SLC34A2: variants seen among roughly 807,000 people sequenced by gnomAD.
SLC34A2 encodes the protein sodium-dependent phosphate transport protein 2B.
In SLC34A2, 41 loss-of-function variants were observed where a neutral mutation model predicts 50.8. The observed-to-expected ratio is 0.81, with a 90% CI of 0.63 to 1.05. The LOEUF is 1.05. Ranked by LOEUF, SLC34A2 falls within the 50% of genes least tolerant of loss-of-function variation. The probability of loss-of-function intolerance (pLI) is 0.00; values close to 1 mark genes in which losing one functional copy is unlikely to be tolerated. For missense variants in SLC34A2, 879 were observed against 876.7 expected, an observed-to-expected ratio of 1.00 and a Z score of -0.03; for synonymous variants, 401 against 364.2, an observed-to-expected ratio of 1.10 and a Z score of -1.15.
chr4:25,674,423 C>T lies in SLC34A2; in HGVS notation c.1333+11C>T. On this transcript the variant is annotated intron_variant, in intron 11 of 12. Transcript: ENST00000382051. ...TGACCCCCCTGATTGGTGAGTTACA[C>T]CCTGGCTTCTCCCTCTGGCCACCAC... The T allele has an allele frequency of 7.4e-6, 12 of 1,614,134 alleles. No homozygotes were observed. Among genetic ancestry groups the T allele is most frequent in the Non-Finnish European group, 1.0e-5 (12 of 1,179,938 alleles).
At chr4:25,661,420 C>G (rs1714175996) in intron 1 of SLC34A2, among the ~76,000 whole-genome samples, 1 of 152,194 alleles carries the variant, frequency 6.6e-6, no homozygotes. Context: ...GAGTTTTGCT[C>G]TGTATCCCCC....
intron 10 of SLC34A2, 126 bp downstream of exon 10, chr4:25,673,380 G>C: frequency 1.1e-6 from 1 of 948,182 alleles, no homozygotes; most frequent in East Asian, 2.6e-5. Context: ...ATCAGCACCA[G>C]AAGTGAGGAT....
In SLC34A2 at chr4:25,674,701, A is replaced by G. The variant is rs368121222; in HGVS notation, c.1458+72A>G. ...CCATGGTCTTGCAAACTGGTCTCTA[A>G]CAAGAGCCAGGCTTTTCTCTGTACT... is the stretch of plus-strand genomic sequence containing the variant. On this transcript the variant is annotated intron_variant, in intron 12 of 12. Coordinates refer to ENST00000382051, the MANE Select transcript of SLC34A2 (RefSeq NM_006424.3). 6.9e-5 allele frequency: 110 copies of G among 1,593,114 alleles called. No homozygotes were observed. The East Asian group carries it at 1.2e-3, about 18-fold the overall frequency.
chr4:25,676,603 A>T lies in SLC34A2; in HGVS notation c.1927A>T (p.Lys643Ter). ...CDCPKCCRCS[K>*]CCEDLEEAQE... ...CTGCCCCAAGTGCTGCCGCTGCAGC[A>T]AGTGCTGCGAGGACTTGGAGGAGGC... is the stretch of plus-strand genomic sequence containing the variant. The change falls in exon 13 of 13, where the codon AAG (lysine) becomes TAG (stop). Residue 643 changes from lysine to a stop codon, truncating the protein, a stop_gained. Coordinates refer to ENST00000382051, the MANE Select transcript of SLC34A2 (RefSeq NM_006424.3). LOFTEE classifies it low-confidence loss of function (END_TRUNC). The T allele has an allele frequency of 1.2e-6, 2 of 1,613,756 alleles. No homozygotes were observed. Among genetic ancestry groups the T allele is most frequent in the Non-Finnish European group, 1.7e-6 (2 of 1,179,710 alleles).
In SLC34A2 at chr4:25,678,216, C is replaced by T. The variant is rs1342724990; in HGVS notation, c.*1467C>T. The T allele has an allele frequency of 6.5e-6, 1 of 152,702 alleles. No individual in the cohort carries two copies. The highest frequency in any genetic ancestry group is 1.9e-4 in the East Asian group (1 of 5,190). The allele number at this position is 152,702 out of a possible 1,614,324, so 9.5% of individuals were successfully genotyped here. A position where few individuals can be genotyped will look rare whatever the true frequency, so the allele number is the denominator to read the frequency against. On this transcript the variant is annotated 3_prime_UTR_variant, in exon 13 of 13. Transcript: ENST00000382051. ...CATCCCAGCAAGTCAGGATATCAGA[C>T]AGTCCTCCCCTGACCCTCCCCCTTG... is the stretch of plus-strand genomic sequence containing the variant.
At chr4:25,668,640 T>TC (rs541385518) in intron 6 of SLC34A2, among the ~76,000 whole-genome samples, 23,292 of 141,272 alleles carry the variant, frequency 0.16, 2,917 homozygotes, top group African/African-American at 0.36. Context: ...AGACTCCATC[T>TC]AAAAAAAAAA....
In SLC34A2 at chr4:25,665,725, A is replaced by G. The variant is rs552842667; in HGVS notation, c.380-403A>G. Among the ~76,000 whole-genome samples, 3 of 152,330 alleles carry G rather than the reference A, an allele frequency of 2.0e-5. No homozygotes were observed. The East Asian group carries it at 5.8e-4, about 29-fold the overall frequency. The stretch of plus-strand genomic sequence containing the variant: ...TAAATCTGAATTGGGTATACACCCC[A>G]GAGACATCCAGGAGGCTCATTGGAA... On this transcript the variant is annotated intron_variant, in intron 4 of 12. Transcript: ENST00000382051.
chr4:25,661,542 C>T (rs1714184831), intron 1 of SLC34A2, among the ~76,000 whole-genome samples: 1 of 152,048 alleles, frequency 6.6e-6, no homozygotes, highest in Non-Finnish European at 1.5e-5. Context: ...CACCCACCAC[C>T]ATCCCCTGCT....
chr4:25,662,363 C>A, intron 1 of SLC34A2, 135 bp from the exon 2 acceptor site: 1 of 729,452 alleles, frequency 1.4e-6, no homozygotes, highest in South Asian at 1.6e-5. Flanking sequence ...TGAAATCTTT[C>A]CCTTCCTTTT....
rs755545216 is a variant in SLC34A2, at chr4:25,671,730, A to G, written c.1048+9A>G. Reference sequence around the variant, plus strand: ...GGAGAACATCGCCAAATGTGAGTGGAGCTCAGTGGATTGGCCACTATGACA... The same window carrying G: ...GGAGAACATCGCCAAATGTGAGTGGGGCTCAGTGGATTGGCCACTATGACA... On this transcript the variant is annotated intron_variant, in intron 9 of 12. Transcript: ENST00000382051. The G allele has an allele frequency of 9.9e-6, 16 of 1,614,058 alleles. No homozygotes were observed. Among genetic ancestry groups the G allele is most frequent in the Non-Finnish European group, 1.2e-5 (14 of 1,180,032 alleles).
In SLC34A2 at chr4:25,677,510, A is replaced by G; in HGVS notation, c.*761A>G. On this transcript the variant is annotated 3_prime_UTR_variant, in exon 13 of 13. Coordinates refer to ENST00000382051, the MANE Select transcript of SLC34A2 (RefSeq NM_006424.3). ...GAGAGTGGGGCAGATGGAGGAGAAG[A>G]AAGTGAGGAATGAGTAGCATAGCAT... is the stretch of plus-strand genomic sequence containing the variant. 6.6e-6 allele frequency: 1 copy of G among 152,228 alleles called. No homozygotes were observed. Among genetic ancestry groups the G allele is most frequent in the Non-Finnish European group, 1.5e-5 (1 of 68,060 alleles). The allele number at this position is 152,228 out of a possible 1,614,324, so 9.4% of individuals were successfully genotyped here.
At chr4:25,673,315 C>A in intron 10 of SLC34A2, 61 bp downstream of exon 10, 1 of 1,475,482 alleles carries the variant, frequency 6.8e-7, no homozygotes, top group East Asian at 2.3e-5. Context: ...GTGTGGGGGT[C>A]CTTTAGATTC....
At chr4:25,674,184 G>A in intron 10 of SLC34A2, 112 bp from the exon 11 acceptor site, 1 of 757,720 alleles carries the variant, frequency 1.3e-6, no homozygotes, top group Non-Finnish European at 2.4e-6. Context: ...TGTAATCTGA[G>A]ACCATATATG....
rs781765839 is a variant in SLC34A2, at chr4:25,674,582, C to T, written c.1411C>T (p.Leu471=). 1.9e-6 allele frequency: 3 copies of T among 1,614,272 alleles called. No individual in the cohort carries two copies. Among genetic ancestry groups the T allele is most frequent in the Non-Finnish European group, 2.5e-6 (3 of 1,180,048 alleles). The change falls in exon 12 of 13, where the codon CTG becomes TTG. Residue 471 remains leucine, a synonymous_variant. Transcript: ENST00000382051. ...CATCGGCACCACCACCACCGCCATC[C>T]TGGCCGCCTTAGCCAGCCCTGGCAA... is the stretch of plus-strand genomic sequence containing the variant. The part of the protein sequence containing the change: ...SNIGTTTTAI[L]AALASPGNAL...
intron 10 of SLC34A2, 38 bp from the exon 11 acceptor site, chr4:25,674,258 C>T (rs756777033): frequency 1.9e-6 from 3 of 1,550,578 alleles, no homozygotes; most frequent in Non-Finnish European, 2.7e-6. Context: ...CATACCTTCC[C>T]CGGAGAGGCC....
intron 1 of SLC34A2, among the ~76,000 whole-genome samples, chr4:25,659,826 T>G (rs546632688): frequency 3.3e-5 from 5 of 152,278 alleles, no homozygotes; most frequent in African/African-American, 9.6e-5. Flanking sequence ...GTTGCATCTT[T>G]TAAAATAATT....
chr4:25,675,599 G>A (rs1278227727), intron 12 of SLC34A2, among the ~76,000 whole-genome samples: 1 of 152,228 alleles, frequency 6.6e-6, no homozygotes, highest in African/African-American at 2.4e-5. Context: ...CTTCAATAAT[G>A]TATTTGATCT....
chr4:25,664,173 C>A (rs572122505), intron 3 of SLC34A2, 29 bp from the exon 4 acceptor site: 2 of 1,611,604 alleles, frequency 1.2e-6, no homozygotes, highest in Non-Finnish European at 1.7e-6. Flanking sequence ...ATGCCTTTCT[C>A]TCTCTCCCCC....
Position 25,676,514 on chromosome 4 carries a change from G to A in SLC34A2, c.1838G>A (p.Cys613Tyr), listed in dbSNP as rs556551664. The change falls in exon 13 of 13, where the codon TGC becomes TAC. Residue 613 changes from cysteine (C) to tyrosine (Y), a missense_variant. Transcript: ENST00000382051. ...GCCGTCGTCTCCAAGTTCACCGGCTGCTTCCAGATGCGCTGCTGCTGCTGC... is the reference window on the plus strand; with the variant it reads ...GCCGTCGTCTCCAAGTTCACCGGCTACTTCCAGATGCGCTGCTGCTGCTGC... ...WDAVVSKFTGCFQMRCCCCCR... is the reference protein window; with the variant it reads ...WDAVVSKFTGYFQMRCCCCCR... The A allele has an allele frequency of 1.2e-5, 19 of 1,614,074 alleles. No individual in the cohort carries two copies. In the Middle Eastern group the frequency reaches 8.3e-4, roughly 70 times the overall value.
Sources: allele counts gnomAD v4.1 joint callset (sites outside exome capture counted in the v4.1 genomes callset), GRCh38; gene constraint gnomAD v4.1.1; transcripts MANE v1.5; gene names NCBI Gene and HGNC (gene_info 2026-07-23, HGNC 2026-07-21).